MROH1: variants seen among roughly 807,000 people sequenced by gnomAD.
MROH1 encodes maestro heat-like repeat-containing protein family member 1.
In MROH1, 117 loss-of-function variants were observed where a neutral mutation model predicts 116.5. That is an observed-to-expected ratio of 1.00 (90% CI 0.86 to 1.17). The LOEUF is 1.17. Among genes scored for constraint, MROH1 ranks in the 50% most tolerant of loss-of-function variants. The pLI, the probability that MROH1 is intolerant of heterozygous loss-of-function variation, is 0.00. For synonymous variants in MROH1, 921 were observed against 583.9 expected (o/e 1.58, Z -8.32); for missense variants, 1,873 against 1,338.5 (o/e 1.40, Z -6.23).
At chr8:144,197,839 C>G (rs1446068192) in intron 10 of MROH1, among the ~76,000 whole-genome samples, 3 of 149,642 alleles carry the variant, frequency 2.0e-5, no homozygotes, top group African/African-American at 7.3e-5. Context: ...TTTGGGAGGC[C>G]GAGGCGGGCG....
rs559970770 is a variant in MROH1, at chr8:144,210,420, G to A, written c.1141+9879G>A. On this transcript the variant is annotated intron_variant, in intron 12 of 43. Transcript: ENST00000326134. ...GCCACTGCATAAACAGGCCCTGTGC[G>A]GTGGCTCACACCTGTAATCCCAGCA... 2.6e-5 allele frequency among the ~76,000 whole-genome samples: 4 copies of A among 152,018 alleles called. No homozygotes were observed. The South Asian group carries it at 8.3e-4, about 32-fold the overall frequency.
intron 1 of MROH1, among the ~76,000 whole-genome samples, chr8:144,151,030 T>C (rs1295831914): frequency 2.0e-5 from 3 of 151,822 alleles, no homozygotes; most frequent in African/African-American, 7.3e-5. Context: ...GGCGGATCAC[T>C]TGAGGTCAGG....
At chr8:144,244,674 A>G (rs973969955) in intron 28 of MROH1, 135 bp downstream of exon 28, 1 of 673,392 alleles carries the variant, frequency 1.5e-6, no homozygotes, top group African/African-American at 1.8e-5. Flanking sequence ...TGGTTTATGA[A>G]CAGGCAGGTG....
At chr8:144,172,603 G>T (rs1392464056) in intron 4 of MROH1, among the ~76,000 whole-genome samples, 1 of 151,970 alleles carries the variant, frequency 6.6e-6, no homozygotes, top group Non-Finnish European at 1.5e-5. Flanking sequence ...TAGAGACCGG[G>T]TTTCACCGTG....
At chr8:144,206,620 G>A (rs1192875386) in intron 12 of MROH1, among the ~76,000 whole-genome samples, 2 of 151,212 alleles carry the variant, frequency 1.3e-5, no homozygotes, top group South Asian at 2.1e-4. Flanking sequence ...ATGGGGTTTC[G>A]CCATGTTGGC....
intron 7 of MROH1, among the ~76,000 whole-genome samples, chr8:144,187,247 A>G (rs1042613013): frequency 6.7e-6 from 1 of 150,238 alleles, no homozygotes; most frequent in African/African-American, 2.5e-5. Flanking sequence ...CTCTGTTTCT[A>G]AAAAAATATA....
chr8:144,200,039 T>TG (rs1032138604), intron 11 of MROH1, among the ~76,000 whole-genome samples: 7 of 152,170 alleles, frequency 4.6e-5, no homozygotes, highest in African/African-American at 9.7e-5. Flanking sequence ...CTGCTTGGGC[T>TG]GGGGGTCTGT....
intron 12 of MROH1, among the ~76,000 whole-genome samples, chr8:144,208,009 G>C (rs1256409191): frequency 6.6e-6 from 1 of 150,488 alleles, no homozygotes; most frequent in Non-Finnish European, 1.5e-5. Context: ...GCAGTGGTGC[G>C]ATCTCAGCTC....
intron 4 of MROH1, among the ~76,000 whole-genome samples, chr8:144,169,222 A>G (rs545398019): frequency 6.6e-6 from 1 of 152,118 alleles, no homozygotes; most frequent in African/African-American, 2.4e-5. Context: ...TCAAAAGGCC[A>G]TTATTCTTTT....
intron 12 of MROH1, among the ~76,000 whole-genome samples, chr8:144,212,264 TTG>T (rs1834286401): frequency 6.6e-6 from 1 of 152,068 alleles, no homozygotes; most frequent in South Asian, 2.1e-4. Context: ...TTTCTATTTT[TTG>T]TAGAGATGGG....
chr8:144,221,608 A>G (rs752253896), intron 13 of MROH1, among the ~76,000 whole-genome samples: 3 of 151,896 alleles, frequency 2.0e-5, no homozygotes, highest in South Asian at 2.1e-4. Context: ...AACGGACCCC[A>G]TGCCACATCT....
At position 144,242,425 on chromosome 8, in the gene MROH1, G is replaced by A. The variant is rs892015911; in HGVS notation, c.2235G>A (p.Gly745=). ...KVKSALILCY[G]HVAARAPREL... The stretch of plus-strand genomic sequence containing the variant: ...AGAGTGCTCTGATCCTGTGCTATGG[G>A]CACGTGGCGGCCCGGGCCCCCCGGG... Residue 745 remains glycine, a synonymous_variant, in exon 23 of 44, where the codon GGG becomes GGA. Transcript: ENST00000326134. 2.0e-5 allele frequency: 16 copies of A among 780,604 alleles called. No individual in the cohort carries two copies. The highest frequency in any genetic ancestry group is 5.1e-5 in the Admixed American group (3 of 59,026). 48.4% of individuals were successfully genotyped at this position (780,604 alleles called of 1,614,324 possible).
At chr8:144,156,241 G>GAA (rs1218482716) in intron 1 of MROH1, among the ~76,000 whole-genome samples, 36 of 58,520 alleles carry the variant, frequency 6.2e-4, no homozygotes, top group Non-Finnish European at 9.4e-4. Context: ...CCGTCTCAAA[G>GAA]AAAAAAAAAA....
intron 12 of MROH1, among the ~76,000 whole-genome samples, chr8:144,205,543 C>A (rs1588157213): frequency 6.6e-6 from 1 of 151,268 alleles, no homozygotes. Flanking sequence ...CACACGCATG[C>A]ATGCCAGGAT....
chr8:144,225,492 T>C (rs376056933), intron 14 of MROH1, among the ~76,000 whole-genome samples: 4 of 151,168 alleles, frequency 2.6e-5, no homozygotes, highest in African/African-American at 7.3e-5. Context: ...TACAGGTCTG[T>C]TGCTTGTCTT....
intron 11 of MROH1, 47 bp from the exon 12 acceptor site, chr8:144,200,381 G>A (rs1830835791): frequency 3.5e-6 from 5 of 1,428,976 alleles, no homozygotes; most frequent in Non-Finnish European, 3.8e-6. Flanking sequence ...TGTGTATAGG[G>A]ATGAACAAGA....
chr8:144,179,643 G>T, intron 5 of MROH1, 57 bp downstream of exon 5: 1 of 1,554,544 alleles, frequency 6.4e-7, no homozygotes, highest in Non-Finnish European at 8.7e-7. Context: ...AAGGGAAGCT[G>T]CTTCTTGGCC....
At chr8:144,184,593 A>G (rs1226864666) in intron 7 of MROH1, among the ~76,000 whole-genome samples, 1 of 152,224 alleles carries the variant, frequency 6.6e-6, no homozygotes, top group Non-Finnish European at 1.5e-5. Flanking sequence ...AACCATTTCC[A>G]TTAAAGAGTA....
At chr8:144,206,561 T>C (rs945242917) in intron 12 of MROH1, among the ~76,000 whole-genome samples, 1 of 151,738 alleles carries the variant, frequency 6.6e-6, no homozygotes, top group Non-Finnish European at 1.5e-5. Flanking sequence ...TAGCTGGGAT[T>C]ACAGGCGAAC....
Sources: allele counts gnomAD v4.1 joint callset (sites outside exome capture counted in the v4.1 genomes callset), GRCh38; gene constraint gnomAD v4.1.1; transcripts MANE v1.5; gene names NCBI Gene and HGNC (gene_info 2026-07-23, HGNC 2026-07-21).